Variants in TET1 observed in about 807,000 individuals in gnomAD.
TET1 encodes methylcytosine dioxygenase TET1.
A neutral mutation model predicts 148.7 loss-of-function variants in TET1; 13 were observed. That is an observed-to-expected ratio of 0.09 (90% CI 0.06 to 0.14). The LOEUF (loss-of-function observed/expected upper bound fraction) is 0.14. Ranked by LOEUF, TET1 falls within the 10% of genes least tolerant of loss-of-function variation. The pLI is 1.00. For synonymous variants in TET1, 907 were observed against 937.2 expected (o/e 0.97, Z 0.59); for missense variants, 2,182 against 2,553.8 (o/e 0.85, Z 3.14).
At chr10:68,594,980 CAA>C (rs71019034) in intron 2 of TET1, among the ~76,000 whole-genome samples, 106 of 108,798 alleles carry the variant, frequency 9.7e-4, no homozygotes, top group Middle Eastern at 4.3e-3. Flanking sequence ...GACACCATCT[CAA>C]AAAAAAAAAA....
chr10:68,582,757 A>G (rs2053812907), intron 2 of TET1, among the ~76,000 whole-genome samples: 1 of 152,180 alleles, frequency 6.6e-6, no homozygotes, highest in Non-Finnish European at 1.5e-5. Context: ...CATATGGCAT[A>G]TGGAACAAAT....
At chr10:68,615,744 T>C (rs2054281610) in intron 3 of TET1, among the ~76,000 whole-genome samples, 1 of 152,128 alleles carries the variant, frequency 6.6e-6, no homozygotes, top group Non-Finnish European at 1.5e-5. Context: ...CCGTAACCTC[T>C]GTCTCCCAGG....
chr10:68,618,156 T>TA (rs1247304654), intron 3 of TET1, among the ~76,000 whole-genome samples: 1 of 152,094 alleles, frequency 6.6e-6, no homozygotes, highest in African/African-American at 2.4e-5. Context: ...TAAGTAATAG[T>TA]AAAAAATGCT....
chr10:68,617,047 G>C (rs2054302524), intron 3 of TET1, among the ~76,000 whole-genome samples: 1 of 49,660 alleles, frequency 2.0e-5, no homozygotes, highest in Admixed American at 3.2e-4. Flanking sequence ...TTTTTTTTGA[G>C]ACGGAGTCTT....
At chr10:68,686,916 C>G (rs10762238) in intron 11 of TET1, among the ~76,000 whole-genome samples, 111,315 of 149,938 alleles carry the variant, frequency 0.74, 42,403 homozygotes, top group East Asian at 0.84. Context: ...GAGAGGGAGT[C>G]TTGCTCTGTC....
At chr10:68,662,197 C>T (rs950940279) in intron 6 of TET1, among the ~76,000 whole-genome samples, 1 of 151,858 alleles carries the variant, frequency 6.6e-6, no homozygotes, top group African/African-American at 2.4e-5. Flanking sequence ...TTAGTAGAGG[C>T]GGGATTTCAC....
intron 7 of TET1, among the ~76,000 whole-genome samples, chr10:68,669,842 T>A (rs1027501166): frequency 6.6e-6 from 1 of 151,682 alleles, no homozygotes; most frequent in African/African-American, 2.4e-5. Context: ...TTGTTGTATT[T>A]TTAGTAGAGA....
intron 3 of TET1, among the ~76,000 whole-genome samples, chr10:68,611,651 TTTC>T (rs2054212970): frequency 8.9e-6 from 1 of 111,766 alleles, no homozygotes; most frequent in African/African-American, 3.4e-5. Flanking sequence ...AGACCCTTTC[TTTC>T]TTTTCTTTTC....
intron 3 of TET1, among the ~76,000 whole-genome samples, chr10:68,606,475 T>C (rs754760163): frequency 6.6e-5 from 10 of 152,228 alleles, no homozygotes; most frequent in Non-Finnish European, 1.0e-4. Flanking sequence ...AAATCATTGG[T>C]AAAGTAATTT....
At chr10:68,653,025 G>GTTT in intron 6 of TET1, among the ~76,000 whole-genome samples, 1 of 151,048 alleles carries the variant, frequency 6.6e-6, no homozygotes, top group South Asian at 2.1e-4. Flanking sequence ...GTTTGTTGTG[G>GTTT]TTTTACCAGT....
chr10:68,652,643 C>A, intron 6 of TET1, 49 bp downstream of exon 6: 1 of 1,276,498 alleles, frequency 7.8e-7, no homozygotes, highest in Non-Finnish European at 1.1e-6. Context: ...TATTCCAGAG[C>A]TGATATTTAT....
At chr10:68,626,255 TTTTTG>T (rs547838161) in intron 3 of TET1, among the ~76,000 whole-genome samples, 3 of 151,824 alleles carry the variant, frequency 2.0e-5, no homozygotes, top group Admixed American at 6.6e-5. Context: ...GTTTTTTTAT[TTTTTG>T]TTTTGTTTTG....
chr10:68,676,213 T>C (rs2055348322), intron 8 of TET1, among the ~76,000 whole-genome samples: 1 of 129,446 alleles, frequency 7.7e-6, no homozygotes, highest in East Asian at 2.3e-4. Context: ...TGTATATATA[T>C]ACACATATAT....
At chr10:68,586,266 C>T (rs2053860011) in intron 2 of TET1, among the ~76,000 whole-genome samples, 1 of 152,132 alleles carries the variant, frequency 6.6e-6, no homozygotes, top group South Asian at 2.1e-4. Context: ...CAATCAGTAC[C>T]TCCCAGGTTT....
intron 3 of TET1, among the ~76,000 whole-genome samples, chr10:68,630,225 G>A (rs903745859): frequency 3.9e-5 from 6 of 152,162 alleles, no homozygotes; most frequent in Admixed American, 3.9e-4. Context: ...ATTTTGAGAG[G>A]AGCCTTGGGT....
intron 3 of TET1, among the ~76,000 whole-genome samples, chr10:68,631,705 G>A (rs1487525727): frequency 6.6e-6 from 1 of 152,084 alleles, no homozygotes; most frequent in Non-Finnish European, 1.5e-5. Context: ...AAACACGTCT[G>A]TGCATATTAC....
chr10:68,576,537 C>T (rs1590162893), intron 2 of TET1, among the ~76,000 whole-genome samples: 2 of 152,026 alleles, frequency 1.3e-5, no homozygotes, highest in South Asian at 2.1e-4. Context: ...TGGCACGCTC[C>T]TGTAGTCCCA....
chr10:68,672,796 T>C, intron 7 of TET1, 99 bp from the exon 8 acceptor site: 1 of 937,180 alleles, frequency 1.1e-6, no homozygotes, highest in Non-Finnish European at 1.6e-6. Context: ...AACCGGTTCT[T>C]TAGGCATCCA....
chr10:68,654,096 A>G (rs1456036835), intron 6 of TET1, among the ~76,000 whole-genome samples: 1 of 133,326 alleles, frequency 7.5e-6, no homozygotes, highest in Non-Finnish European at 1.6e-5. Context: ...AACAAGAGCA[A>G]AAATGTCTCC....
Sources: allele counts gnomAD v4.1 joint callset (sites outside exome capture counted in the v4.1 genomes callset), GRCh38; gene constraint gnomAD v4.1.1; transcripts MANE v1.5; gene names NCBI Gene and HGNC (gene_info 2026-07-23, HGNC 2026-07-21).